The following FHIT variants were observed in gnomAD, a reference collection of about 807,000 sequenced individuals.
FHIT encodes fragile histidine triad diadenosine triphosphatase, also known as bis(5'-adenosyl)-triphosphatase.
A neutral mutation model predicts 17.9 loss-of-function variants in FHIT; 19 were observed. The ratio of observed to expected loss-of-function variants is 1.06; its 90% CI spans 0.74 to 1.56. FHIT has a LOEUF of 1.56. FHIT is among the 40% of genes most tolerant of loss of function. The pLI is 0.00. For missense variants in FHIT, 248 were observed against 189.2 expected (o/e 1.31, Z -1.82); for synonymous variants, 81 against 69.7 (o/e 1.16, Z -0.81).
chr3:60,414,803 G>C (rs1299206814), intron 5 of FHIT, among the ~76,000 whole-genome samples: 2 of 152,158 alleles, frequency 1.3e-5, no homozygotes, highest in South Asian at 2.1e-4. Flanking sequence ...ATTATTGTAA[G>C]AATGATCTAA....
chr3:60,403,238 G>A (rs916150816), intron 5 of FHIT, among the ~76,000 whole-genome samples: 1 of 152,150 alleles, frequency 6.6e-6, no homozygotes, highest in Non-Finnish European at 1.5e-5. Context: ...GCAATTAGTA[G>A]GTTTGTCTTC....
chr3:61,110,585 C>T (rs1156559122), intron 2 of FHIT, among the ~76,000 whole-genome samples: 1 of 152,038 alleles, frequency 6.6e-6, no homozygotes, highest in Non-Finnish European at 1.5e-5. Flanking sequence ...AAATAAGCTC[C>T]ATTTGCATAG....
intron 5 of FHIT, among the ~76,000 whole-genome samples, chr3:60,343,081 G>GT (rs1710606892): frequency 6.6e-6 from 1 of 152,094 alleles, no homozygotes; most frequent in African/African-American, 2.4e-5. Flanking sequence ...GCATATCCTG[G>GT]TTTTTAATAA....
At chr3:60,000,310 C>A (rs894783220) in intron 7 of FHIT, among the ~76,000 whole-genome samples, 1 of 152,210 alleles carries the variant, frequency 6.6e-6, no homozygotes, top group Non-Finnish European at 1.5e-5. Flanking sequence ...GGCCCTCAGG[C>A]CAAATTTGGC....
At chr3:59,999,328 CACCA>C (rs1699638155) in intron 7 of FHIT, among the ~76,000 whole-genome samples, 2 of 152,074 alleles carry the variant, frequency 1.3e-5, no homozygotes, top group Non-Finnish European at 2.9e-5. Context: ...TGTGCAGCAC[CACCA>C]TCGTTAAAGT....
intron 5 of FHIT, among the ~76,000 whole-genome samples, chr3:60,356,127 G>C (rs1699642989): frequency 6.6e-6 from 1 of 152,164 alleles, no homozygotes; most frequent in Non-Finnish European, 1.5e-5. Context: ...ATAATTTTAT[G>C]TTACATTTAT....
At chr3:60,761,377 C>A (rs922642146) in intron 4 of FHIT, among the ~76,000 whole-genome samples, 3 of 152,104 alleles carry the variant, frequency 2.0e-5, no homozygotes, top group Non-Finnish European at 4.4e-5. Flanking sequence ...AAAATTATTT[C>A]TTTTTTTATG....
At chr3:60,595,346 G>A (rs1447172451) in intron 4 of FHIT, among the ~76,000 whole-genome samples, 2 of 150,766 alleles carry the variant, frequency 1.3e-5, no homozygotes, top group African/African-American at 4.9e-5. Flanking sequence ...CAATTGTACA[G>A]GATTAAGCCT....
intron 3 of FHIT, among the ~76,000 whole-genome samples, chr3:60,846,763 T>A (rs1045364137): frequency 3.3e-5 from 5 of 152,208 alleles, no homozygotes; most frequent in African/African-American, 9.6e-5. Context: ...TCACATTTCA[T>A]AACTTGGACA....
intron 5 of FHIT, among the ~76,000 whole-genome samples, chr3:60,215,328 A>G (rs1478918643): frequency 2.0e-5 from 3 of 152,062 alleles, no homozygotes; most frequent in Admixed American, 2.0e-4. Flanking sequence ...AAAATACAAA[A>G]ACTAGCTAGG....
chr3:60,820,766 T>C (rs1701896357), intron 4 of FHIT, among the ~76,000 whole-genome samples: 1 of 152,116 alleles, frequency 6.6e-6, no homozygotes, highest in African/African-American at 2.4e-5. Flanking sequence ...GTACATAGGA[T>C]TATTCAATAT....
intron 4 of FHIT, among the ~76,000 whole-genome samples, chr3:60,635,208 C>T (rs1225956539): frequency 1.3e-5 from 2 of 152,178 alleles, no homozygotes; most frequent in East Asian, 3.8e-4. Flanking sequence ...TATAAAATTA[C>T]TTGCAGAAGT....
At chr3:60,469,508 C>A (rs192641739) in intron 5 of FHIT, among the ~76,000 whole-genome samples, 26 of 152,274 alleles carry the variant, frequency 1.7e-4, no homozygotes, top group Non-Finnish European at 3.5e-4. Context: ...TTCTTTATAT[C>A]TCCCTCTCTT....
At chr3:59,954,443 G>A (rs1159964397) in intron 7 of FHIT, among the ~76,000 whole-genome samples, 1 of 152,052 alleles carries the variant, frequency 6.6e-6, no homozygotes, top group Non-Finnish European at 1.5e-5. Context: ...CTGCTCTTTG[G>A]AGACAAATAA....
chr3:61,043,147 G>C (rs1395921139), intron 2 of FHIT, among the ~76,000 whole-genome samples: 2 of 152,260 alleles, frequency 1.3e-5, no homozygotes, highest in East Asian at 3.9e-4. Flanking sequence ...AGCCAAAGCA[G>C]GGCAGGCATT....
intron 2 of FHIT, among the ~76,000 whole-genome samples, chr3:61,111,380 AT>A (rs1374029076): frequency 2.6e-5 from 4 of 152,146 alleles, no homozygotes; most frequent in Non-Finnish European, 5.9e-5. Context: ...TAAAACATTA[AT>A]CACTGGAAAT....
chr3:59,779,485 G>T (rs1189904536), intron 8 of FHIT, among the ~76,000 whole-genome samples: 1 of 152,138 alleles, frequency 6.6e-6, no homozygotes, highest in African/African-American at 2.4e-5. Flanking sequence ...TGCTACATTA[G>T]CTCCATTTGC....
chr3:60,407,837 T>G (rs1279383968), intron 5 of FHIT, among the ~76,000 whole-genome samples: 1 of 152,132 alleles, frequency 6.6e-6, no homozygotes, highest in African/African-American at 2.4e-5. Flanking sequence ...TATTTATGTG[T>G]AAATAAACAC....
At chr3:60,198,067 C>T (rs1163735189) in intron 5 of FHIT, among the ~76,000 whole-genome samples, 3 of 152,084 alleles carry the variant, frequency 2.0e-5, no homozygotes, top group South Asian at 2.1e-4. Context: ...ATTAGTTCAT[C>T]GCAACTTCAG....
Sources: allele counts gnomAD v4.1 joint callset (sites outside exome capture counted in the v4.1 genomes callset), GRCh38; gene constraint gnomAD v4.1.1; transcripts MANE v1.5; gene names NCBI Gene and HGNC (gene_info 2026-07-23, HGNC 2026-07-21).